Variants in EXTL3 observed in about 807,000 individuals in gnomAD.
The protein encoded by EXTL3 is exostosin-like 3.
In EXTL3, 27 loss-of-function variants were observed where a neutral mutation model predicts 69.3. The observed-to-expected ratio is 0.39, with a 90% CI of 0.29 to 0.54. The LOEUF (loss-of-function observed/expected upper bound fraction) is 0.54, where lower values mean the gene tolerates loss of function less well. EXTL3 is among the 20% of genes least tolerant of loss of function. EXTL3 has a pLI of 0.69. For synonymous variants in EXTL3, 511 were observed against 499.4 expected (o/e 1.02, Z -0.31); for missense variants, 1,003 against 1,231.8 (o/e 0.81, Z 2.78).
chr8:28,674,243 CT>C (rs879441858), intron 1 of EXTL3, among the ~76,000 whole-genome samples: 103 of 145,510 alleles, frequency 7.1e-4, no homozygotes, highest in South Asian at 6.5e-4. Context: ...CTTTGCCCAG[CT>C]TTTTTTTTTT....
intron 1 of EXTL3, among the ~76,000 whole-genome samples, chr8:28,701,913 C>T (rs1218969613): frequency 2.0e-5 from 3 of 152,176 alleles, no homozygotes; most frequent in Non-Finnish European, 4.4e-5. Context: ...GCTAACGGGT[C>T]CCTGGGCTGG....
At chr8:28,703,642 C>T (rs562158291) in intron 1 of EXTL3, among the ~76,000 whole-genome samples, 2 of 152,130 alleles carry the variant, frequency 1.3e-5, no homozygotes, top group South Asian at 4.2e-4. Flanking sequence ...GGAGGGATTC[C>T]CTGATGTAGA....
intron 3 of EXTL3, among the ~76,000 whole-genome samples, chr8:28,723,398 A>G (rs1282026479): frequency 1.3e-5 from 2 of 152,208 alleles, no homozygotes; most frequent in African/African-American, 4.8e-5. Context: ...ATTATATAAA[A>G]CAAGGCTACC....
chr8:28,693,148 ATT>A (rs749978399), intron 1 of EXTL3, among the ~76,000 whole-genome samples: 27 of 135,212 alleles, frequency 2.0e-4, no homozygotes, highest in Admixed American at 4.6e-4. Context: ...CAGATAACAG[ATT>A]TTTTTTTTTT....
intron 1 of EXTL3, among the ~76,000 whole-genome samples, chr8:28,665,444 G>C (rs1305549057): frequency 7.1e-6 from 1 of 141,440 alleles, no homozygotes; most frequent in Non-Finnish European, 1.5e-5. Flanking sequence ...TTTTGAGACA[G>C]GGTCTTGCTC....
chr8:28,702,251 G>A (rs1172146342), intron 1 of EXTL3, among the ~76,000 whole-genome samples: 1 of 152,204 alleles, frequency 6.6e-6, no homozygotes, highest in Non-Finnish European at 1.5e-5. Flanking sequence ...AGTCAGAGGA[G>A]CCGCTTCCTG....
At chr8:28,735,577 C>T (rs991861653) in intron 4 of EXTL3, among the ~76,000 whole-genome samples, 1 of 152,184 alleles carries the variant, frequency 6.6e-6, no homozygotes, top group Non-Finnish European at 1.5e-5. Context: ...TACATCCTAA[C>T]CTTTTCCTAC....
Position 28,750,669 on chromosome 8 carries a change from T to C in EXTL3, c.2563T>C (p.Trp855Arg). Residue 855 changes from tryptophan (W) to arginine (R), a missense_variant, in exon 7 of 7, where the codon TGG (tryptophan) becomes CGG (arginine). By Grantham distance (101) the Trp-to-Arg change is moderately radical. Around this residue, in one of 2 missense-constraint regions of EXTL3, gnomAD observed 261 missense variants for 416.4 expected, o/e 0.63. Coordinates refer to ENST00000220562, the MANE Select transcript of EXTL3 (RefSeq NM_001440.4). The surrounding 1 kb of genome is among the most constrained non-coding windows in gnomAD (Gnocchi z 5.2). ...CTCCCGTTTCCAGGTGACCTCACGG[T>C]GGACATTCCGATGCCCAGGATGCCC... is the stretch of plus-strand genomic sequence containing the variant. ...RKPPIKVTSRWTFRCPGCPQA... is the reference protein window; with the variant it reads ...RKPPIKVTSRRTFRCPGCPQA... 1 of 1,614,094 alleles carries C rather than the reference T, an allele frequency of 6.2e-7. No homozygotes were observed. The highest frequency in any genetic ancestry group is 8.5e-7 in the Non-Finnish European group (1 of 1,179,950).
chr8:28,666,400 C>T lies in EXTL3; in HGVS notation c.-53+43590C>T, dbSNP rs192980007. 5.8e-4 allele frequency among the ~76,000 whole-genome samples: 89 copies of T among 152,178 alleles called. 1 individual carries two copies. The highest frequency in any genetic ancestry group is 1.1e-3 in the Non-Finnish European group (75 of 68,020). On this transcript the variant is annotated intron_variant, in intron 1 of 6. Transcript: ENST00000523149. ...TCAAGTGATCCTCCTGCCTCAGCCT[C>T]CTGAATAGCTGGGACCATGGGCGTG...
intron 1 of EXTL3, among the ~76,000 whole-genome samples, chr8:28,672,423 G>A (rs896185858): frequency 7.1e-6 from 1 of 141,816 alleles, no homozygotes; most frequent in Non-Finnish European, 1.5e-5. Flanking sequence ...TTCTCGGGGT[G>A]GGGGGGCGGG....
chr8:28,749,729 C>T (rs1167245084), intron 6 of EXTL3, among the ~76,000 whole-genome samples: 1 of 152,164 alleles, frequency 6.6e-6, no homozygotes, highest in East Asian at 1.9e-4. Flanking sequence ...CACTGTCACC[C>T]AGGCTGGAGT....
At chr8:28,709,784 G>C (rs1223409855) in intron 1 of EXTL3, among the ~76,000 whole-genome samples, 1 of 152,148 alleles carries the variant, frequency 6.6e-6, no homozygotes, top group East Asian at 1.9e-4. Flanking sequence ...ATCGCAGTTT[G>C]CTATTGTGAT....
chr8:28,668,259 C>CAAAA (rs71549685), intron 1 of EXTL3, among the ~76,000 whole-genome samples: 22 of 64,274 alleles, frequency 3.4e-4, no homozygotes, highest in African/African-American at 9.6e-4. Flanking sequence ...GGTCCTGTCT[C>CAAAA]AAAAAAAAAA....
intron 6 of EXTL3, among the ~76,000 whole-genome samples, chr8:28,746,510 AC>A (rs1266631384): frequency 5.3e-5 from 8 of 152,242 alleles, no homozygotes; most frequent in African/African-American, 1.9e-4. Flanking sequence ...AGATTGAGTT[AC>A]CTGGAATCTT....
chr8:28,676,581 G>C (rs1363918449), intron 1 of EXTL3, among the ~76,000 whole-genome samples: 1 of 152,186 alleles, frequency 6.6e-6, no homozygotes, highest in African/African-American at 2.4e-5. Flanking sequence ...AAAGAGGTCT[G>C]GGATAGAGAC....
chr8:28,668,072 G>GAT (rs1333960965), intron 1 of EXTL3, among the ~76,000 whole-genome samples: 1 of 151,728 alleles, frequency 6.6e-6, no homozygotes, highest in Non-Finnish European at 1.5e-5. Flanking sequence ...AGACCAGCCT[G>GAT]GGCAAGATGC....
rs546551339 is a variant in EXTL3, at chr8:28,750,449, C to G, written c.2551-208C>G. Among the ~76,000 whole-genome samples, 1 of 152,354 alleles carries G rather than the reference C, an allele frequency of 6.6e-6. No individual in the cohort carries two copies. The highest frequency in any genetic ancestry group is 2.1e-4 in the South Asian group (1 of 4,826). ...GGCATCTGAGAAGCGTAGGCCATCT[C>G]AACAGAATACCTGACAATGTTCTGG... On this transcript the variant is annotated intron_variant, in intron 6 of 6. Coordinates refer to ENST00000220562, the MANE Select transcript of EXTL3 (RefSeq NM_001440.4). This position sits in a 1 kb window ranked among gnomAD's most constrained non-coding sequence, Gnocchi z 5.2.
intron 1 of EXTL3, among the ~76,000 whole-genome samples, chr8:28,645,994 C>T (rs190526918): frequency 1.3e-5 from 2 of 152,110 alleles, no homozygotes; most frequent in East Asian, 1.9e-4. Flanking sequence ...TCCTGAGTAG[C>T]TGGGACCACA....
At chr8:28,622,449 G>A (rs910414146), upstream of EXTL3, among the ~76,000 whole-genome samples, 2 of 152,224 alleles carry the variant, frequency 1.3e-5, no homozygotes, top group Non-Finnish European at 2.9e-5. Flanking sequence ...CGGGCTCTGG[G>A]GCCTGCACGA....
Sources: allele counts gnomAD v4.1 joint callset (sites outside exome capture counted in the v4.1 genomes callset), GRCh38; gene constraint gnomAD v4.1.1; regional missense constraint gnomAD v4.1.1; non-coding constraint Gnocchi (gnomAD v3.1); transcripts MANE v1.5; gene names NCBI Gene and HGNC (gene_info 2026-07-23, HGNC 2026-07-21).